The following ZNF442 variants were observed in gnomAD, a reference collection of about 807,000 sequenced individuals.
ZNF442 encodes zinc finger protein 442.
In ZNF442, 45 loss-of-function variants were observed where a neutral mutation model predicts 57.0. That is an observed-to-expected ratio of 0.79 (90% confidence interval 0.62 to 1.01). The LOEUF (loss-of-function observed/expected upper bound fraction) is 1.01. Among genes scored for constraint, ZNF442 ranks in the 50% least tolerant of loss-of-function variants. The pLI is 0.00. For synonymous variants in ZNF442, 213 were observed against 241.8 expected (o/e 0.88, Z 1.10); for missense variants, 690 against 756.5 (o/e 0.91, Z 1.03).
At chr19:12,351,679 T>C (rs1488072500) in intron 5 of ZNF442, 2 of 305,442 alleles carry the variant, frequency 6.5e-6, no homozygotes, top group Non-Finnish European at 1.2e-5. Flanking sequence ...CTAATTTTTG[T>C]ATTTTTAGTA....
intron 3 of ZNF442, among the ~76,000 whole-genome samples, chr19:12,357,349 C>CTTTTTTTTTTTTTTTTTTTTT (rs5827145): frequency 1.0e-5 from 1 of 95,368 alleles, no homozygotes. Context: ...CTTTTTCTTT[C>CTTTTTTTTTTTTTTTTTTTTT]TTTTTTTTTT....
intron 3 of ZNF442, among the ~76,000 whole-genome samples, chr19:12,355,832 G>C (rs115918278): frequency 9.2e-5 from 14 of 151,944 alleles, no homozygotes; most frequent in Middle Eastern, 3.2e-3. Flanking sequence ...GTCCAGGAGT[G>C]GGGGTACATG....
chr19:12,365,348 C>T, intron 1 of ZNF442, 105 bp from the exon 2 acceptor site: 1 of 215,118 alleles, frequency 4.6e-6, no homozygotes, highest in Non-Finnish European at 9.5e-6. Context: ...GGGGTCCCGG[C>T]TGCCGGCCCA....
chr19:12,353,037 A>T lies in ZNF442; in HGVS notation c.156T>A (p.Ser52Arg). The T allele has an allele frequency of 6.2e-7, 1 of 1,612,482 alleles. No homozygotes were observed. The highest frequency in any genetic ancestry group is 2.2e-5 in the East Asian group (1 of 44,782). ...TTTCCCACATCACATCTCTGTACAG[A>T]CTCTTCTGTGATGGACCCAGCAAAG... ...EWALLGPSQK[S>R]LYRDVMWETI... Residue 52 changes from serine to arginine, a missense_variant, in exon 4 of 6, where the codon AGT (serine) becomes AGA (arginine). Physicochemically the swap from Ser to Arg is moderately radical, Grantham distance 110 (BLOSUM62 -1). Transcript: ENST00000242804.
chr19:12,363,399 G>A (rs555951691), intron 3 of ZNF442, among the ~76,000 whole-genome samples, 155 bp downstream of exon 3: 13 of 152,106 alleles, frequency 8.5e-5, no homozygotes, highest in Non-Finnish European at 1.6e-4. Flanking sequence ...CATCTCCTGG[G>A]ACATTAGTCA....
chr19:12,362,604 C>T (rs1204083524), intron 3 of ZNF442, among the ~76,000 whole-genome samples: 5 of 148,732 alleles, frequency 3.4e-5, no homozygotes, highest in Admixed American at 2.0e-4. Context: ...GGGCAGCCCC[C>T]GCCTGGCAGC....
intron 3 of ZNF442, among the ~76,000 whole-genome samples, chr19:12,357,426 ACTGCAACCTCCAC>A (rs1468869054): frequency 3.0e-5 from 4 of 135,228 alleles, no homozygotes; most frequent in Non-Finnish European, 6.1e-5. Context: ...ATCTCGGCTC[ACTGCAACCTCCAC>A]CTCCTGGGTT....
At chr19:12,352,179 C>T in intron 4 of ZNF442, 109 bp from the exon 5 acceptor site, 1 of 1,048,392 alleles carries the variant, frequency 9.5e-7, no homozygotes, top group South Asian at 1.5e-5. Context: ...TGAATTGTAG[C>T]TGACTCTTGA....
upstream of ZNF442, among the ~76,000 whole-genome samples, chr19:12,370,138 A>C (rs1225696636): frequency 1.3e-5 from 2 of 151,682 alleles, no homozygotes; most frequent in Non-Finnish European, 2.9e-5. Context: ...ATATATAATG[A>C]TGTAATTGTA....
the ZNF442 span, among the ~76,000 whole-genome samples, chr19:12,372,976 G>C: frequency 7.2e-5 from 11 of 152,302 alleles, no homozygotes; most frequent in East Asian, 2.1e-3. Context: ...GTTTCACCAT[G>C]TTGGCCAGGA....
intron 3 of ZNF442, among the ~76,000 whole-genome samples, chr19:12,361,083 C>T (rs1342894000): frequency 2.0e-5 from 3 of 151,620 alleles, no homozygotes; most frequent in South Asian, 2.1e-4. Context: ...CCCAGCTACT[C>T]GGGAGGCTGA....
chr19:12,370,896 C>A (rs1969575483), upstream of ZNF442, among the ~76,000 whole-genome samples: 1 of 151,304 alleles, frequency 6.6e-6, no homozygotes, highest in Non-Finnish European at 1.5e-5. Context: ...TCGCTTCAAC[C>A]CGGAAGGCGG....
At position 12,350,838 on chromosome 19, in the gene ZNF442, G is replaced by A; in HGVS notation, c.747C>T (p.Tyr249=). 1 of 1,613,708 alleles carries A rather than the reference G, an allele frequency of 6.2e-7. No homozygotes were observed. The highest frequency in any genetic ancestry group is 8.5e-7 in the Non-Finnish European group (1 of 1,179,922). ...CKQCCKAFPI[Y]SSYLRHERTH... Reference sequence around the variant, plus strand: ...TTCTTTCATGTCTTAGATAGGAACTGTAAATAGGGAAGGCTTTACAACACT... The same window carrying A: ...TTCTTTCATGTCTTAGATAGGAACTATAAATAGGGAAGGCTTTACAACACT... Residue 249 remains tyrosine, a synonymous_variant, in exon 6 of 6, where the codon TAC becomes TAT. Coordinates refer to ENST00000242804, the MANE Select transcript of ZNF442 (RefSeq NM_030824.3).
At chr19:12,364,345 T>A (rs1203839954) in intron 2 of ZNF442, among the ~76,000 whole-genome samples, 2 of 147,048 alleles carry the variant, frequency 1.4e-5, no homozygotes, top group South Asian at 4.3e-4. Flanking sequence ...AGGCGGAGGT[T>A]GCGGTGAGCC....
upstream of ZNF442, among the ~76,000 whole-genome samples, chr19:12,369,693 C>T (rs374486280): frequency 3.3e-5 from 5 of 151,966 alleles, no homozygotes; most frequent in South Asian, 2.1e-4. Flanking sequence ...GTCAGGAGAT[C>T]GAGACCATCC....
chr19:12,366,713 C>T (rs1377885726), upstream of ZNF442, among the ~76,000 whole-genome samples: 3 of 152,262 alleles, frequency 2.0e-5, no homozygotes, highest in Middle Eastern at 0.01. Context: ...TCACTGCAAC[C>T]TCCGCCTCCC....
chr19:12,349,541 G>T lies in ZNF442; in HGVS notation c.*160C>A. 3.0e-6 allele frequency: 2 copies of T among 658,056 alleles called. No homozygotes were observed. Among genetic ancestry groups the T allele is most frequent in the South Asian group, 4.8e-5 (2 of 42,030 alleles). 40.8% of individuals were successfully genotyped at this position (658,056 alleles called of 1,614,324 possible). ...CATCTGTGGATTTAGGTATGCTTAG[G>T]GGGTCTGGAACCAATCCCCTGCATA... On this transcript the variant is annotated 3_prime_UTR_variant, in exon 6 of 6. Coordinates refer to ENST00000242804, the MANE Select transcript of ZNF442 (RefSeq NM_030824.3).
chr19:12,351,020 T>A lies in ZNF442; in HGVS notation c.565A>T (p.Thr189Ser), dbSNP rs199699934. The A allele has an allele frequency of 3.1e-6, 5 of 1,613,764 alleles. No homozygotes were observed. The highest frequency in any genetic ancestry group is 4.2e-6 in the Non-Finnish European group (5 of 1,179,806). Residue 189 changes from threonine (T) to serine (S), a missense_variant, in exon 6 of 6, where the codon ACC becomes TCC. Coordinates refer to ENST00000242804, the MANE Select transcript of ZNF442 (RefSeq NM_030824.3). ...CGAAGGTTTCCCGAAGAACTGAAGG[T>A]TTTCCCACATTCCTTACAATCATAG... ...KRYDCKECGK[T>S]FSSSGNLRRH...
chr19:12,350,494 A>G lies in ZNF442; in HGVS notation c.1091T>C (p.Leu364Pro), dbSNP rs1280309996. The G allele has an allele frequency of 1.2e-6, 2 of 1,613,738 alleles. No homozygotes were observed. Among genetic ancestry groups the G allele is most frequent in the Middle Eastern group, 1.7e-4 (1 of 6,056 alleles). Residue 364 changes from leucine to proline, a missense_variant, in exon 6 of 6, where the codon CTG (leucine) becomes CCG (proline). Physicochemically the swap from Leu to Pro is moderately conservative, Grantham distance 98. Transcript: ENST00000242804. Reference protein sequence around the residue: ...CGKGFDCPSSLQSHERTHTGE... With the variant: ...CGKGFDCPSSPQSHERTHTGE... ...AGTGTGAGTTCTTTCATGACTTTGCAGTGAACTAGGACAATCAAAGCCTTT... is the reference window on the plus strand; with the variant it reads ...AGTGTGAGTTCTTTCATGACTTTGCGGTGAACTAGGACAATCAAAGCCTTT...
Sources: gnomAD v4.1 joint callset for allele counts (sites outside exome capture counted in the v4.1 genomes callset) on GRCh38, gnomAD v4.1.1 for gene constraint, MANE v1.5 for transcripts, NCBI Gene and HGNC (gene_info 2026-07-23, HGNC 2026-07-21) for gene names.